RBMS3: variants seen among roughly 807,000 people sequenced by gnomAD.
RBMS3 encodes RNA binding motif single stranded interacting protein 3, also known as RNA-binding motif, single-stranded-interacting protein 3.
A neutral mutation model predicts 66.8 loss-of-function variants in RBMS3; 27 were observed. The observed-to-expected ratio is 0.40, with a 90% CI of 0.30 to 0.56. The LOEUF is 0.56. Among genes scored for constraint, RBMS3 ranks in the 20% least tolerant of loss-of-function variants. RBMS3 has a pLI of 0.40. For synonymous variants in RBMS3, 188 were observed against 183.0 expected (o/e 1.03, Z -0.22); for missense variants, 513 against 549.5 (o/e 0.93, Z 0.66).
intron 6 of RBMS3, among the ~76,000 whole-genome samples, chr3:29,866,052 TTAGTC>T (rs968186099): frequency 7.0e-6 from 1 of 143,870 alleles, no homozygotes; most frequent in Non-Finnish European, 1.5e-5. Flanking sequence ...TTGATAAACT[TTAGTC>T]TATTATTAAC....
At chr3:29,374,607 T>C (rs113918584) in intron 1 of RBMS3, among the ~76,000 whole-genome samples, 4,706 of 152,320 alleles carry the variant, frequency 0.031, 89 homozygotes, top group Non-Finnish European at 0.046. Flanking sequence ...TGTAGTCTAA[T>C]GTAAGTGTTC....
At chr3:29,947,263 A>T (rs937479814) in intron 12 of RBMS3, among the ~76,000 whole-genome samples, 6 of 151,658 alleles carry the variant, frequency 4.0e-5, no homozygotes, top group African/African-American at 1.2e-4. Flanking sequence ...AAGGGAGTTC[A>T]TTAATGTGAA....
chr3:29,481,872 G>C (rs767062907), intron 2 of RBMS3, among the ~76,000 whole-genome samples: 1 of 152,142 alleles, frequency 6.6e-6, no homozygotes, highest in Non-Finnish European at 1.5e-5. Flanking sequence ...TTTAATAAGA[G>C]AAAGGAATCA....
At chr3:29,528,903 T>G (rs2045243287) in intron 3 of RBMS3, among the ~76,000 whole-genome samples, 1 of 151,844 alleles carries the variant, frequency 6.6e-6, no homozygotes, top group Admixed American at 6.6e-5. Context: ...CCAGCTAATT[T>G]TTTTTCTTTT....
At chr3:29,308,758 A>ACC (rs60817541) in intron 1 of RBMS3, among the ~76,000 whole-genome samples, 1 of 89,050 alleles carries the variant, frequency 1.1e-5, no homozygotes, top group Non-Finnish European at 2.3e-5. Context: ...AAAAAAAACA[A>ACC]AAAAAAAAAC....
intron 4 of RBMS3, among the ~76,000 whole-genome samples, chr3:29,676,837 T>C (rs1217860187): frequency 6.6e-6 from 1 of 152,208 alleles, no homozygotes; most frequent in Non-Finnish European, 1.5e-5. Context: ...AATTGCAGCA[T>C]AGTTTTGTTT....
chr3:29,358,900 T>C (rs1487617245), intron 1 of RBMS3, among the ~76,000 whole-genome samples: 1 of 152,214 alleles, frequency 6.6e-6, no homozygotes, highest in Non-Finnish European at 1.5e-5. Flanking sequence ...TGATTTTGTA[T>C]CCTGAGACTT....
chr3:29,470,490 T>C (rs1352361784), intron 2 of RBMS3, among the ~76,000 whole-genome samples: 1 of 152,068 alleles, frequency 6.6e-6, no homozygotes. Context: ...CTGTAGTGTT[T>C]GTAGGAAGAA....
intron 3 of RBMS3, among the ~76,000 whole-genome samples, chr3:29,523,423 C>T (rs1401594207): frequency 1.3e-5 from 2 of 151,982 alleles, no homozygotes; most frequent in Non-Finnish European, 2.9e-5. Context: ...ATCCTACCTC[C>T]CAGTCTGACT....
chr3:29,572,081 C>T (rs1387287507), intron 3 of RBMS3, among the ~76,000 whole-genome samples: 4 of 151,790 alleles, frequency 2.6e-5, no homozygotes, highest in Admixed American at 6.6e-5. Flanking sequence ...AGATTGTTCC[C>T]TGTTGGCATA....
intron 4 of RBMS3, among the ~76,000 whole-genome samples, chr3:29,674,816 T>C (rs191372196): frequency 5.1e-4 from 75 of 147,472 alleles, no homozygotes; most frequent in African/African-American, 1.9e-3. Flanking sequence ...ATTGTGAAAA[T>C]GCCCATACTG....
At chr3:29,916,862 A>G (rs937959564) in intron 10 of RBMS3, among the ~76,000 whole-genome samples, 5 of 152,116 alleles carry the variant, frequency 3.3e-5, no homozygotes, top group African/African-American at 1.2e-4. Context: ...TGCAAATTAT[A>G]ATTATCATGT....
In RBMS3 at chr3:29,720,696, C is replaced by CTGTGTGTGTGTGTGTGTG. The variant is rs201802434; in HGVS notation, c.400-19021_400-19004dup. Among the ~76,000 whole-genome samples the CTGTGTGTGTGTGTGTGTG allele has an allele frequency of 6.4e-3, 939 of 147,588 alleles. 6 individuals carry two copies. The highest frequency in any genetic ancestry group is 0.01 in the Middle Eastern group (3 of 292). On this transcript the variant is annotated intron_variant, in intron 4 of 14. Transcript: ENST00000383767. ...GAATTCATGAGTTCCCTGTAAGAAT[C>CTGTGTGTGTGTGTGTGTG]TGTGTGTGTGTGTGTGTGTGAGTGT...
At chr3:29,927,640 G>C (rs942442871) in intron 10 of RBMS3, among the ~76,000 whole-genome samples, 66 of 152,148 alleles carry the variant, frequency 4.3e-4, no homozygotes, top group African/African-American at 1.3e-3. Flanking sequence ...TAGAAGCCTA[G>C]CGTTGCAGGC....
intron 4 of RBMS3, among the ~76,000 whole-genome samples, chr3:29,700,876 G>A (rs1386383275): frequency 6.6e-6 from 1 of 152,128 alleles, no homozygotes; most frequent in East Asian, 1.9e-4. Context: ...GTGTGTTCGT[G>A]TGCATGTGTA....
chr3:29,493,000 G>C (rs2043607010), intron 3 of RBMS3, among the ~76,000 whole-genome samples: 1 of 152,266 alleles, frequency 6.6e-6, no homozygotes, highest in Non-Finnish European at 1.5e-5. Context: ...AAACTAGTTA[G>C]TCTGTTGAGA....
intron 4 of RBMS3, among the ~76,000 whole-genome samples, chr3:29,634,215 G>A (rs1036276925): frequency 1.2e-4 from 18 of 151,990 alleles, no homozygotes; most frequent in Middle Eastern, 3.4e-3. Flanking sequence ...TAGCATTTGT[G>A]AAGTACAGCA....
intron 1 of RBMS3, among the ~76,000 whole-genome samples, chr3:29,292,108 A>G (rs2032864682): frequency 1.3e-5 from 2 of 151,668 alleles, no homozygotes; most frequent in African/African-American, 4.8e-5. Flanking sequence ...TCTCTATCTA[A>G]TTACTCAATT....
At chr3:29,327,423 C>G (rs1057028604) in intron 1 of RBMS3, among the ~76,000 whole-genome samples, 1 of 152,142 alleles carries the variant, frequency 6.6e-6, no homozygotes. Flanking sequence ...ACAGAGTGTT[C>G]TCCAAAAAAT....
Sources: gnomAD v4.1 joint callset for allele counts (sites outside exome capture counted in the v4.1 genomes callset) on GRCh38, gnomAD v4.1.1 for gene constraint, MANE v1.5 for transcripts, NCBI Gene and HGNC (gene_info 2026-07-23, HGNC 2026-07-21) for gene names.